LSAMP: variants seen among roughly 807,000 people sequenced by gnomAD.
LSAMP encodes limbic system-associated membrane protein.
In LSAMP, 7 loss-of-function variants were observed where a neutral mutation model predicts 38.6. The ratio of observed to expected loss-of-function variants is 0.18; its 90% confidence interval spans 0.10 to 0.34. The LOEUF (loss-of-function observed/expected upper bound fraction) is 0.34, where lower values mean the gene tolerates loss of function less well. LSAMP is among the 10% of genes least tolerant of loss of function. LSAMP has a pLI of 1.00. For missense variants in LSAMP, 313 were observed against 420.0 expected (o/e 0.75, Z 2.23); for synonymous variants, 154 against 166.8 (o/e 0.92, Z 0.59).
At chr3:115,853,621 AAGAAGGTGATTGAGGAAG>A (rs1374369773) in intron 3 of LSAMP, among the ~76,000 whole-genome samples, 6 of 152,158 alleles carry the variant, frequency 3.9e-5, no homozygotes, top group African/African-American at 1.4e-4. Flanking sequence ...AAAAGAGGAA[AAGAAGGTGATTGAGGAAG>A]GAGAAGGTGA....
chr3:115,959,799 T>C (rs1938567786), intron 3 of LSAMP, among the ~76,000 whole-genome samples: 3 of 152,212 alleles, frequency 2.0e-5, no homozygotes. Flanking sequence ...CTATTACTAT[T>C]ATTTTTGCTA....
chr3:116,153,017 T>C (rs541300419), intron 1 of LSAMP, among the ~76,000 whole-genome samples: 1 of 152,168 alleles, frequency 6.6e-6, no homozygotes, highest in Admixed American at 6.6e-5. Flanking sequence ...GTCAAAATAC[T>C]CTCAATGTTT....
chr3:116,227,246 C>T (rs116229566), intron 1 of LSAMP, among the ~76,000 whole-genome samples: 5 of 152,322 alleles, frequency 3.3e-5, no homozygotes, highest in African/African-American at 4.8e-5. Context: ...AGAGCCTACT[C>T]ATCTTTCTAG....
At chr3:116,191,588 A>G (rs565983963) in intron 1 of LSAMP, among the ~76,000 whole-genome samples, 2 of 152,048 alleles carry the variant, frequency 1.3e-5, no homozygotes, top group African/African-American at 4.8e-5. Flanking sequence ...AGCTTCACTG[A>G]ATCCCAGGAC....
chr3:116,115,619 G>C (rs983894877), intron 1 of LSAMP, among the ~76,000 whole-genome samples: 2 of 152,036 alleles, frequency 1.3e-5, no homozygotes, highest in Non-Finnish European at 2.9e-5. Context: ...TTGTGAGATA[G>C]AAATTATTTT....
chr3:116,020,070 T>C (rs1940595733), intron 2 of LSAMP, among the ~76,000 whole-genome samples: 1 of 152,170 alleles, frequency 6.6e-6, no homozygotes, highest in South Asian at 2.1e-4. Flanking sequence ...ACAATGCTAT[T>C]TAGCATAAGA....
chr3:116,249,865 A>G (rs951247140), intron 1 of LSAMP, among the ~76,000 whole-genome samples: 2 of 152,168 alleles, frequency 1.3e-5, no homozygotes, highest in Non-Finnish European at 2.9e-5. Flanking sequence ...ACCGATGACA[A>G]TATCATACTG....
chr3:116,342,222 T>C (rs2048005118), intron 1 of LSAMP, among the ~76,000 whole-genome samples: 5 of 152,038 alleles, frequency 3.3e-5, no homozygotes, highest in Admixed American at 3.3e-4. Context: ...GAGTTGTTAC[T>C]GGGAACAATT....
At chr3:116,074,261 C>T (rs939604941) in intron 2 of LSAMP, among the ~76,000 whole-genome samples, 4 of 152,180 alleles carry the variant, frequency 2.6e-5, no homozygotes, top group African/African-American at 9.7e-5. Flanking sequence ...GTGGTAATGT[C>T]TGCCTCCCAA....
chr3:116,429,543 G>A (rs1026599452), intron 1 of LSAMP, among the ~76,000 whole-genome samples: 1 of 152,118 alleles, frequency 6.6e-6, no homozygotes, highest in Admixed American at 6.6e-5. Flanking sequence ...CACAAACAAA[G>A]CATTCCTCAA....
chr3:115,899,328 G>C (rs1036977247), intron 3 of LSAMP, among the ~76,000 whole-genome samples: 2 of 151,900 alleles, frequency 1.3e-5, no homozygotes, highest in Non-Finnish European at 2.9e-5. Flanking sequence ...TTGTTTCAGA[G>C]GGCACTGCCT....
At chr3:115,847,990 A>G (rs1309493854) in intron 4 of LSAMP, among the ~76,000 whole-genome samples, 1 of 152,172 alleles carries the variant, frequency 6.6e-6, no homozygotes, top group African/African-American at 2.4e-5. Flanking sequence ...TTATAATGAA[A>G]CATTGTAGTA....
intron 3 of LSAMP, among the ~76,000 whole-genome samples, chr3:115,860,930 G>A (rs889420876): frequency 3.3e-5 from 5 of 152,134 alleles, no homozygotes; most frequent in African/African-American, 1.2e-4. Context: ...GGTGGTTTGA[G>A]GACTCTGGAT....
chr3:116,251,249 T>G (rs953838103), intron 1 of LSAMP, among the ~76,000 whole-genome samples: 2 of 152,242 alleles, frequency 1.3e-5, no homozygotes, highest in Middle Eastern at 3.2e-3. Context: ...TAACTTATGA[T>G]TTCTCTGATG....
intron 3 of LSAMP, among the ~76,000 whole-genome samples, chr3:115,858,135 A>ATCTCTC (rs67994060): frequency 1.9e-4 from 28 of 144,132 alleles, no homozygotes; most frequent in East Asian, 6.1e-4. Flanking sequence ...CCGTCCTCCC[A>ATCTCTC]TCTCTCTCTC....
intron 1 of LSAMP, among the ~76,000 whole-genome samples, chr3:116,179,924 T>C (rs1710444905): frequency 6.6e-6 from 1 of 152,202 alleles, no homozygotes; most frequent in African/African-American, 2.4e-5. Flanking sequence ...TAGTAGTTTT[T>C]GTTGTTGTTG....
intron 1 of LSAMP, among the ~76,000 whole-genome samples, chr3:116,153,045 A>G (rs985113428): frequency 1.3e-5 from 2 of 152,076 alleles, no homozygotes; most frequent in African/African-American, 4.8e-5. Context: ...ATATTTAAAT[A>G]ATTTTAAAAG....
At chr3:116,276,238 C>T (rs1449877742) in intron 1 of LSAMP, among the ~76,000 whole-genome samples, 3 of 152,118 alleles carry the variant, frequency 2.0e-5, no homozygotes, top group East Asian at 3.9e-4. Flanking sequence ...AACCCACCTG[C>T]TTCATTATGT....
At chr3:116,101,734 GA>G (rs547261088) in intron 1 of LSAMP, among the ~76,000 whole-genome samples, 3 of 152,012 alleles carry the variant, frequency 2.0e-5, no homozygotes, top group Admixed American at 6.6e-5. Context: ...ATATGCAGGG[GA>G]AACTGCATAA....
Sources: gnomAD v4.1 joint callset for allele counts (sites outside exome capture counted in the v4.1 genomes callset) on GRCh38, gnomAD v4.1.1 for gene constraint, MANE v1.5 for transcripts, NCBI Gene and HGNC (gene_info 2026-07-23, HGNC 2026-07-21) for gene names.